The following MYO1F variants were observed in gnomAD, a reference collection of about 807,000 sequenced individuals.
MYO1F encodes unconventional myosin-If.
A neutral mutation model predicts 146.6 loss-of-function variants in MYO1F; 60 were observed. The observed-to-expected ratio is 0.41, with a 90% CI of 0.33 to 0.51. The LOEUF is 0.51. Ranked by LOEUF, MYO1F falls within the 20% of genes least tolerant of loss-of-function variation. The pLI is 0.25. For missense variants in MYO1F, 1,274 were observed against 1,534.3 expected (o/e 0.83, Z 2.83); for synonymous variants, 602 against 602.1 (o/e 1.00, Z 0.00).
At chr19:8,547,686 G>C (rs1973428357) in intron 12 of MYO1F, among the ~76,000 whole-genome samples, 1 of 151,612 alleles carries the variant, frequency 6.6e-6, no homozygotes, top group Non-Finnish European at 1.5e-5. Flanking sequence ...AAAACCATTT[G>C]TCTCTGAATC....
At position 8,573,047 on chromosome 19, in the gene MYO1F, G is replaced by A. The variant is rs570777133; in HGVS notation, c.3+4260C>T. On this transcript the variant is annotated intron_variant, in intron 1 of 27. Transcript: ENST00000644032. ...CTATTGGCCAGGTGTGGTGGCTCAC[G>A]CCTATAATCCCAGCACTTTGGGAGG... Among the ~76,000 whole-genome samples, 10 of 152,264 alleles carry A rather than the reference G, an allele frequency of 6.6e-5. No homozygotes were observed. In the East Asian group the frequency reaches 7.7e-4, roughly 12 times the overall value.
intron 1 of MYO1F, among the ~76,000 whole-genome samples, chr19:8,573,618 A>G (rs1555732507): frequency 1.3e-5 from 2 of 152,056 alleles, no homozygotes; most frequent in Admixed American, 1.3e-4. Context: ...GGGAGGCCAA[A>G]GCGGGTGGAT....
intron 12 of MYO1F, among the ~76,000 whole-genome samples, chr19:8,545,971 G>A (rs558069088): frequency 2.6e-5 from 4 of 151,328 alleles, no homozygotes; most frequent in Admixed American, 6.6e-5. Flanking sequence ...TCGCTTCTCC[G>A]CTCTATGAAG....
Position 8,577,312 on chromosome 19 carries a change from TG to T in MYO1F, c.-4del, listed in dbSNP as rs1568384051. 5.0e-6 allele frequency: 8 copies of T among 1,613,470 alleles called. No homozygotes were observed. Among genetic ancestry groups the T allele is most frequent in the Non-Finnish European group, 5.1e-6 (6 of 1,179,688 alleles). On this transcript the variant is annotated 5_prime_UTR_variant, in exon 1 of 28. Coordinates refer to ENST00000644032, the MANE Select transcript of MYO1F (RefSeq NM_012335.4). This position sits in a 1 kb window ranked among gnomAD's most constrained non-coding sequence, Gnocchi z 4.3. ...CCCACCCTTGAAGGACTTACCATGG[TG>T]GGGGGCTGGTGTCTGGGCTCCTGGA...
chr19:8,522,570 C>A, intron 26 of MYO1F, 24 bp from the exon 27 acceptor site: 1 of 1,608,492 alleles, frequency 6.2e-7, no homozygotes, highest in South Asian at 1.1e-5. Context: ...GGGTTTGAGT[C>A]ACAGCCCCAG....
chr19:8,534,814 A>G (rs1420051925), intron 19 of MYO1F, among the ~76,000 whole-genome samples: 3 of 151,058 alleles, frequency 2.0e-5, no homozygotes, highest in African/African-American at 4.9e-5. Flanking sequence ...TGTAGAAGAG[A>G]CGGGGTTTCA....
Position 8,545,745 on chromosome 19 carries a change from G to C in MYO1F, c.1270-9C>G. On this transcript the variant is annotated splice_polypyrimidine_tract_variant and intron_variant, in intron 12 of 27. Coordinates refer to ENST00000644032, the MANE Select transcript of MYO1F (RefSeq NM_012335.4). ...TCCTGCACATACTCCTCCTGGGGTGGAAAAGGGGGTGGATGTGGGGGCCAG... is the reference window on the plus strand; with the variant it reads ...TCCTGCACATACTCCTCCTGGGGTGCAAAAGGGGGTGGATGTGGGGGCCAG... 6.2e-7 allele frequency: 1 copy of C among 1,610,102 alleles called. No homozygotes were observed. The highest frequency in any genetic ancestry group is 1.3e-5 in the African/African-American group (1 of 74,948).
At chr19:8,554,411 G>T in intron 4 of MYO1F, 66 bp downstream of exon 4, 1 of 1,353,984 alleles carries the variant, frequency 7.4e-7, no homozygotes, top group South Asian at 1.2e-5. Context: ...AAACCTCCCT[G>T]GGGGTGGTGA....
chr19:8,542,970 C>A (rs894625301), intron 14 of MYO1F, among the ~76,000 whole-genome samples: 1 of 152,034 alleles, frequency 6.6e-6, no homozygotes, highest in African/African-American at 2.4e-5. Context: ...GTGGCACAAT[C>A]TTGGCTTACT....
intron 1 of MYO1F, among the ~76,000 whole-genome samples, chr19:8,563,089 C>G (rs189958890): frequency 2.1e-4 from 31 of 146,520 alleles, no homozygotes; most frequent in African/African-American, 7.3e-4. Flanking sequence ...CCTCCCGGGT[C>G]CAAGTGATTG....
At chr19:8,564,863 C>G (rs1244622171) in intron 1 of MYO1F, among the ~76,000 whole-genome samples, 1 of 151,936 alleles carries the variant, frequency 6.6e-6, no homozygotes, top group Non-Finnish European at 1.5e-5. Flanking sequence ...ACCTCCGCCT[C>G]CCGGGTTCAA....
Position 8,521,349 on chromosome 19 carries a change from C to T in MYO1F, c.*179G>A, listed in dbSNP as rs146225868. On this transcript the variant is annotated 3_prime_UTR_variant, in exon 28 of 28. Coordinates refer to ENST00000644032, the MANE Select transcript of MYO1F (RefSeq NM_012335.4). Reference sequence around the variant, plus strand: ...TTGGAGGAAGACCAGGGCCCAGGGGCGGGGGCTGCAGCAGTGACCTGGTGA... The same window carrying T: ...TTGGAGGAAGACCAGGGCCCAGGGGTGGGGGCTGCAGCAGTGACCTGGTGA... The T allele has an allele frequency of 9.3e-4, 622 of 670,132 alleles. 3 individuals are homozygous for T. In the East Asian group the frequency reaches 0.011, roughly 11 times the overall value. The allele number at this position is 670,132 out of a possible 1,614,324, so 41.5% of individuals were successfully genotyped here.
chr19:8,539,159 A>G (rs1972850890), intron 16 of MYO1F, among the ~76,000 whole-genome samples: 1 of 152,118 alleles, frequency 6.6e-6, no homozygotes, highest in African/African-American at 2.4e-5. Context: ...TCACACCTGT[A>G]ATCCCAGCGC....
At chr19:8,527,229 A>T (rs1458581580) in intron 22 of MYO1F, 109 bp downstream of exon 22, 31 of 1,460,046 alleles carry the variant, frequency 2.1e-5, no homozygotes, top group Non-Finnish European at 2.7e-5. Context: ...AGAGGGCTAC[A>T]GGCATGGCAC....
rs1410870134 is a variant in MYO1F, at chr19:8,530,140, G to A, written c.2328+56C>T. The A allele has an allele frequency of 3.7e-6, 6 of 1,610,236 alleles. No individual in the cohort carries two copies. The highest frequency in any genetic ancestry group is 3.3e-5 in the South Asian group (3 of 91,032). On this transcript the variant is annotated intron_variant, in intron 21 of 27. Coordinates refer to ENST00000644032, the MANE Select transcript of MYO1F (RefSeq NM_012335.4). The surrounding 1 kb of genome is among the most constrained non-coding windows in gnomAD (Gnocchi z 5.8). ...CTGTGGGCAGGTGCATCTGGGCCAG[G>A]TGAGGGTGCCAGGCTGTAGTCAGGG... is the stretch of plus-strand genomic sequence containing the variant.
intron 1 of MYO1F, among the ~76,000 whole-genome samples, chr19:8,573,277 C>T (rs2042144225): frequency 6.6e-6 from 1 of 152,010 alleles, no homozygotes; most frequent in Admixed American, 6.6e-5. Context: ...TGCCACTGCA[C>T]TCCATCCTGG....
intron 8 of MYO1F, 37 bp downstream of exon 8, chr19:8,551,703 T>G (rs1332485228): frequency 6.2e-7 from 1 of 1,613,976 alleles, no homozygotes; most frequent in Non-Finnish European, 8.5e-7. Flanking sequence ...GGCTGAGGTC[T>G]GCCTGGCCGG....
Position 8,523,284 on chromosome 19 carries a change from T to C in MYO1F, c.2855-455A>G, listed in dbSNP as rs181376532. ...TCCTGACCTTGTGATCCGCCCGCCT[T>C]GGCCTCCCAAAGTGCTGGGATTACA... On this transcript the variant is annotated intron_variant, in intron 25 of 27. Transcript: ENST00000644032. Among the ~76,000 whole-genome samples, 1,329 of 152,186 alleles carry C rather than the reference T, an allele frequency of 8.7e-3. 60 individuals carry two copies. In the East Asian group the frequency reaches 0.092, roughly 11 times the overall value.
Position 8,540,040 on chromosome 19 carries a change from AG to A in MYO1F, c.1611-13del. 1.2e-6 allele frequency: 2 copies of A among 1,604,294 alleles called. No homozygotes were observed. Among genetic ancestry groups the A allele is most frequent in the Non-Finnish European group, 1.7e-6 (2 of 1,173,230 alleles). On this transcript the variant is annotated splice_polypyrimidine_tract_variant and intron_variant, in intron 15 of 27. Coordinates refer to ENST00000644032, the MANE Select transcript of MYO1F (RefSeq NM_012335.4). ...TCCGGAGGAAGGCCCTGGGTAGGAA[AG>A]GGGAGAGGAGGAGTTGGAGGTATGG...
Sources: gnomAD v4.1 joint callset for allele counts (sites outside exome capture counted in the v4.1 genomes callset) on GRCh38, gnomAD v4.1.1 for gene constraint, Gnocchi (gnomAD v3.1) non-coding constraint, MANE v1.5 for transcripts, NCBI Gene and HGNC (gene_info 2026-07-23, HGNC 2026-07-21) for gene names.